The following EPHA4 variants were observed in gnomAD, a reference collection of about 807,000 sequenced individuals.
EPHA4 encodes the protein EPH receptor A4, also known as ephrin type-A receptor 4.
In EPHA4, 19 loss-of-function variants were observed where a neutral mutation model predicts 108.3. The observed-to-expected ratio is 0.18, with a 90% CI of 0.12 to 0.26. The LOEUF is 0.26. EPHA4 is among the 10% of genes least tolerant of loss of function. The probability of loss-of-function intolerance (pLI) is 1.00; values close to 1 mark genes in which losing one functional copy is unlikely to be tolerated. For missense variants in EPHA4, 917 were observed against 1,254.0 expected, an observed-to-expected ratio of 0.73 and a Z score of 4.06; for synonymous variants, 449 against 455.5, an observed-to-expected ratio of 0.99 and a Z score of 0.18.
At position 221,568,869 on chromosome 2, in the gene EPHA4, A is replaced by G. The variant is rs567989757; in HGVS notation, c.92-84T>C. 7 of 1,153,766 alleles carry G rather than the reference A, an allele frequency of 6.1e-6. No homozygotes were observed. In the South Asian group the frequency reaches 9.6e-5, roughly 16 times the overall value. The allele number at this position is 1,153,766 out of a possible 1,614,324, so 71.5% of individuals were successfully genotyped here. On this transcript the variant is annotated intron_variant, in intron 1 of 17. Transcript: ENST00000281821. ...AAACCATTTGCCTGAGCGTTTCCAT[A>G]TGTGCTGAGGCTGTGCATATCCAAC...
chr2:221,483,876 G>C (rs962206617), intron 4 of EPHA4, among the ~76,000 whole-genome samples: 1 of 152,148 alleles, frequency 6.6e-6, no homozygotes, highest in African/African-American at 2.4e-5. Flanking sequence ...GGAGAAGGGA[G>C]AGGGAATTTT....
intron 15 of EPHA4, among the ~76,000 whole-genome samples, chr2:221,427,229 G>A (rs1052624126): frequency 2.6e-5 from 4 of 152,330 alleles, no homozygotes; most frequent in Non-Finnish European, 5.9e-5. Context: ...AAGGCTGGCA[G>A]AAGAACGGCC....
intron 5 of EPHA4, 52 bp downstream of exon 5, chr2:221,482,300 C>T: frequency 7.8e-6 from 11 of 1,411,458 alleles, no homozygotes; most frequent in Non-Finnish European, 1.1e-5. Context: ...TTATTTTAAG[C>T]CTTTTCTCTG....
At chr2:221,456,493 G>A (rs771571605) in intron 7 of EPHA4, 120 bp downstream of exon 7, 46 of 937,710 alleles carry the variant, frequency 4.9e-5, no homozygotes, top group Admixed American at 2.7e-4. Context: ...CATATTCATT[G>A]CAGCAAAATG....
At position 221,501,157 on chromosome 2, in the gene EPHA4, T is replaced by C. The variant is rs200631562; in HGVS notation, c.839A>G (p.Tyr280Cys). The change falls in exon 4 of 18, where the codon TAT (tyrosine) becomes TGT (cysteine). Residue 280 changes from tyrosine (Y) to cysteine (C), a missense_variant. By Grantham distance (194) the Tyr-to-Cys change is radical. This residue lies in a region of EPHA4 where 758 missense variants were observed against 1,076.7 expected (regional missense o/e 0.70). Coordinates refer to ENST00000281821, the MANE Select transcript of EPHA4 (RefSeq NM_004438.5). ...GGCATCCGTGGAGAGAGCCTTGTAA[T>C]ATCCAATTTTGCAAGCTGCAGGGAA... is the stretch of plus-strand genomic sequence containing the variant. ...SGECQACKIG[Y>C]YKALSTDATC... The C allele has an allele frequency of 1.2e-6, 2 of 1,600,034 alleles. No individual in the cohort carries two copies. The highest frequency in any genetic ancestry group is 1.7e-6 in the Non-Finnish European group (2 of 1,174,268).
intron 3 of EPHA4, among the ~76,000 whole-genome samples, chr2:221,554,445 C>T (rs1370098214): frequency 6.6e-6 from 1 of 152,090 alleles, no homozygotes; most frequent in Non-Finnish European, 1.5e-5. Flanking sequence ...ATGATCGTGG[C>T]CTTTCAGAAG....
chr2:221,490,248 T>C (rs1340382325), intron 4 of EPHA4, among the ~76,000 whole-genome samples: 6 of 138,116 alleles, frequency 4.3e-5, no homozygotes, highest in Non-Finnish European at 9.4e-5. Flanking sequence ...GGCAATCACA[T>C]GCTAAAATGT....
chr2:221,495,596 C>T (rs1386775430), intron 4 of EPHA4, among the ~76,000 whole-genome samples: 1 of 152,190 alleles, frequency 6.6e-6, no homozygotes, highest in Non-Finnish European at 1.5e-5. Flanking sequence ...AGAAACATCT[C>T]AGCACATCTC....
Position 221,524,553 on chromosome 2 carries a change from G to T in EPHA4, c.824-23381C>A, listed in dbSNP as rs190273242. 1.5e-3 allele frequency among the ~76,000 whole-genome samples: 236 copies of T among 152,268 alleles called. 1 individual carries two copies. Among genetic ancestry groups the T allele is most frequent in the Non-Finnish European group, 2.7e-3 (186 of 68,028 alleles). ...GGGATGAATGTCACCTGGGAAAAGC[G>T]GCTGTAATTTCCTAACAAAGCCTAT... On this transcript the variant is annotated intron_variant, in intron 3 of 17. Transcript: ENST00000281821.
chr2:221,569,144 G>GTATCTACT (rs1694755401), intron 1 of EPHA4, among the ~76,000 whole-genome samples: 1 of 152,100 alleles, frequency 6.6e-6, no homozygotes, highest in South Asian at 2.1e-4. Flanking sequence ...TCTCTGTCTG[G>GTATCTACT]TATCTACTAG....
intron 3 of EPHA4, among the ~76,000 whole-genome samples, chr2:221,521,208 G>A (rs978990625): frequency 6.6e-6 from 1 of 152,146 alleles, no homozygotes; most frequent in Non-Finnish European, 1.5e-5. Context: ...ACTAATTATT[G>A]CTTGGCCTAA....
Position 221,494,716 on chromosome 2 carries a change from A to G in EPHA4, c.979+6301T>C, listed in dbSNP as rs184906409. On this transcript the variant is annotated intron_variant, in intron 4 of 17. Transcript: ENST00000281821. ...CTACAATCATTGAACAAGCAAGTAC[A>G]TGACTAAGACCATCAGAAGTCTTCC... is the stretch of plus-strand genomic sequence containing the variant. Among the ~76,000 whole-genome samples the G allele has an allele frequency of 9.4e-3, 1,434 of 152,300 alleles. 14 individuals are homozygous for G. Among genetic ancestry groups the G allele is most frequent in the Non-Finnish European group, 0.015 (1,028 of 68,032 alleles).
chr2:221,483,324 T>C (rs2106142220), intron 4 of EPHA4, among the ~76,000 whole-genome samples: 1 of 152,260 alleles, frequency 6.6e-6, no homozygotes, highest in South Asian at 2.1e-4. Flanking sequence ...CCTCCTGCCC[T>C]TTAACTCGTG....
rs1168536738 is a variant in EPHA4 at position 221,566,903 on chromosome 2, A to G, written c.159+1815T>C. The stretch of plus-strand genomic sequence containing the variant: ...GAGAAGGAGAAGGAGAAGGAGAAGG[A>G]GAAGGAGAAGGAGAAGGAGAAGGAG... On this transcript the variant is annotated intron_variant, in intron 2 of 17. Transcript: ENST00000281821. Among the ~76,000 whole-genome samples, 8 of 42,230 alleles carry G rather than the reference A, an allele frequency of 1.9e-4. 1 individual carries two copies. Among genetic ancestry groups the G allele is most frequent in the Admixed American group, 2.5e-4 (1 of 3,946 alleles). The allele number at this position is 42,230 out of a possible 152,430, so 27.7% of individuals were successfully genotyped here. A position where few individuals can be genotyped will look rare whatever the true frequency, so the allele number is the denominator to read the frequency against.
At position 221,449,873 on chromosome 2, in the gene EPHA4, C is replaced by T. The variant is rs781031618; in HGVS notation, c.1716-3692G>A. Among the ~76,000 whole-genome samples the T allele has an allele frequency of 5.9e-5, 9 of 152,180 alleles. No individual in the cohort carries two copies. In the South Asian group the frequency reaches 1.2e-3, roughly 21 times the overall value. ...AAAGTGCATATTAAAAATAAAGCAA[C>T]GTAACTAGCATGGCTCCAGGAGGTC... On this transcript the variant is annotated intron_variant, in intron 8 of 17. Coordinates refer to ENST00000281821, the MANE Select transcript of EPHA4 (RefSeq NM_004438.5).
intron 14 of EPHA4, among the ~76,000 whole-genome samples, chr2:221,432,866 C>T (rs1311969167): frequency 6.8e-6 from 1 of 147,300 alleles, no homozygotes; most frequent in Non-Finnish European, 1.5e-5. Flanking sequence ...ACTCTTTCGC[C>T]CAGGCTGGAG....
At chr2:221,528,115 C>A (rs1186606299) in intron 3 of EPHA4, among the ~76,000 whole-genome samples, 3 of 149,304 alleles carry the variant, frequency 2.0e-5, no homozygotes, top group Admixed American at 1.4e-4. Flanking sequence ...CTGTCTCATT[C>A]TCTCTTGTGT....
chr2:221,499,590 T>C (rs947637028), intron 4 of EPHA4, among the ~76,000 whole-genome samples: 9 of 150,244 alleles, frequency 6.0e-5, no homozygotes, highest in African/African-American at 2.2e-4. Flanking sequence ...GATTGCCCAG[T>C]GGCCCAAAGT....
chr2:221,495,585 T>C (rs550747062), intron 4 of EPHA4, among the ~76,000 whole-genome samples: 2 of 152,330 alleles, frequency 1.3e-5, no homozygotes, highest in Admixed American at 6.5e-5. Context: ...GGTGCTTCCA[T>C]AGAAACATCT....
Sources: gnomAD v4.1 joint callset for allele counts (sites outside exome capture counted in the v4.1 genomes callset) on GRCh38, gnomAD v4.1.1 for gene constraint, gnomAD v4.1.1 regional missense constraint, MANE v1.5 for transcripts, NCBI Gene and HGNC (gene_info 2026-07-23, HGNC 2026-07-21) for gene names.